SRPK2: variants seen among roughly 807,000 people sequenced by gnomAD.
The protein encoded by SRPK2 is SFRS protein kinase 2.
SRPK2 carries 21 observed loss-of-function variants against 90.8 expected under a neutral mutation model. That is an observed-to-expected ratio of 0.23 (90% CI 0.16 to 0.33). The LOEUF is 0.33. SRPK2 is among the 10% of genes least tolerant of loss of function. The probability of loss-of-function intolerance (pLI) is 1.00; values close to 1 mark genes in which losing one functional copy is unlikely to be tolerated. For synonymous variants in SRPK2, 288 were observed against 311.1 expected (o/e 0.93, Z 0.78); for missense variants, 620 against 869.0 (o/e 0.71, Z 3.60).
At chr7:105,296,159 G>A (rs906465039) in intron 2 of SRPK2, among the ~76,000 whole-genome samples, 1 of 152,142 alleles carries the variant, frequency 6.6e-6, no homozygotes, top group Non-Finnish European at 1.5e-5. Context: ...CTCCACAAGT[G>A]CTTTTCAACA....
intron 2 of SRPK2, among the ~76,000 whole-genome samples, chr7:105,372,845 T>C (rs1236901592): frequency 1.3e-5 from 2 of 152,196 alleles, no homozygotes; most frequent in African/African-American, 4.8e-5. Context: ...TCCCAGCACC[T>C]TGAGAGGCCA....
At chr7:105,395,407 C>T (rs1051847063) in intron 1 of SRPK2, among the ~76,000 whole-genome samples, 4 of 151,498 alleles carry the variant, frequency 2.6e-5, no homozygotes, top group Non-Finnish European at 5.9e-5. Flanking sequence ...TTCAAGAAGG[C>T]CTCACCGAGA....
intron 1 of SRPK2, among the ~76,000 whole-genome samples, chr7:105,398,883 T>A (rs1228377726): frequency 6.6e-6 from 1 of 152,180 alleles, no homozygotes; most frequent in Non-Finnish European, 1.5e-5. Flanking sequence ...ATCTGCAAAA[T>A]GTAGATAGTA....
chr7:105,143,419 ACT>A (rs1804089511), intron 9 of SRPK2, 89 bp from the exon 10 acceptor site: 2 of 1,476,642 alleles, frequency 1.4e-6, no homozygotes, highest in Admixed American at 2.1e-5. Context: ...ATAGCAATAA[ACT>A]CTGCTTTCTC....
At chr7:105,147,599 G>A (rs1342380236) in intron 7 of SRPK2, among the ~76,000 whole-genome samples, 2 of 152,038 alleles carry the variant, frequency 1.3e-5, no homozygotes, top group Non-Finnish European at 2.9e-5. Context: ...TTACAGGCGT[G>A]AGCCACCACA....
intron 7 of SRPK2, among the ~76,000 whole-genome samples, chr7:105,150,492 G>A (rs1488754770): frequency 6.6e-6 from 1 of 152,122 alleles, no homozygotes; most frequent in Non-Finnish European, 1.5e-5. Context: ...CTCCAACCTA[G>A]GCGACAGAAT....
chr7:105,376,188 A>G lies in SRPK2; in HGVS notation c.71+12460T>C, dbSNP rs530501590. On this transcript the variant is annotated intron_variant, in intron 2 of 15. Coordinates refer to ENST00000393651, the MANE Select transcript of SRPK2 (RefSeq NM_182692.3). ...TTTTTGTATTTTGTTTAGTAGAGAC[A>G]GGGTTTCACCATGTTAGCCAGGATG... Among the ~76,000 whole-genome samples, 17 of 151,568 alleles carry G rather than the reference A, an allele frequency of 1.1e-4. No individual in the cohort carries two copies. The East Asian group carries it at 3.1e-3, about 28-fold the overall frequency.
intron 2 of SRPK2, among the ~76,000 whole-genome samples, chr7:105,221,614 C>T (rs1343223241): frequency 6.6e-6 from 1 of 152,204 alleles, no homozygotes; most frequent in Non-Finnish European, 1.5e-5. Flanking sequence ...ATTTCCATCC[C>T]TGAAACAAGA....
At chr7:105,227,893 CAAAAAA>C (rs566478716) in intron 2 of SRPK2, among the ~76,000 whole-genome samples, 4 of 84,690 alleles carry the variant, frequency 4.7e-5, no homozygotes, top group Admixed American at 1.3e-4. Flanking sequence ...TATCATTCAG[CAAAAAA>C]AAAAAAAAAA....
intron 2 of SRPK2, among the ~76,000 whole-genome samples, chr7:105,339,100 CAG>C (rs1403660953): frequency 1.3e-5 from 2 of 152,158 alleles, no homozygotes; most frequent in East Asian, 1.9e-4. Flanking sequence ...TTTGAAAGGA[CAG>C]ATATTCAAGT....
chr7:105,371,220 A>G (rs1182192326), intron 2 of SRPK2, among the ~76,000 whole-genome samples: 1 of 151,508 alleles, frequency 6.6e-6, no homozygotes, highest in African/African-American at 2.4e-5. Context: ...CCTGGCCAAC[A>G]TGGCAAAACC....
Position 105,143,145 on chromosome 7 carries a change from C to G in SRPK2, c.999G>C (p.Glu333Asp), listed in dbSNP as rs751434491. The change falls in exon 10 of 16, where the codon GAG becomes GAC. Residue 333 changes from glutamate (E) to aspartate (D), a missense_variant. By Grantham distance (45) the Glu-to-Asp change is conservative. Transcript: ENST00000393651. ...SNDQDGEYCP[E>D]VKLKTTGLEE... is the part of the protein sequence containing the mutation. ...CTAATCCTGTTGTTTTTAGTTTCACCTCTGGGCAGTATTCGCCATCCTGGT... is the reference window on the plus strand; with the variant it reads ...CTAATCCTGTTGTTTTTAGTTTCACGTCTGGGCAGTATTCGCCATCCTGGT... The G allele has an allele frequency of 6.2e-7, 1 of 1,614,174 alleles. No homozygotes were observed. Among genetic ancestry groups the G allele is most frequent in the Non-Finnish European group, 8.5e-7 (1 of 1,180,034 alleles).
chr7:105,155,057 T>C (rs1003015800), intron 7 of SRPK2, among the ~76,000 whole-genome samples: 5 of 152,032 alleles, frequency 3.3e-5, no homozygotes, highest in Admixed American at 6.6e-5. Flanking sequence ...CTCGGCTCAC[T>C]GCAGCCTCCG....
intron 2 of SRPK2, among the ~76,000 whole-genome samples, chr7:105,378,711 C>T (rs1167954683): frequency 7.0e-6 from 1 of 143,156 alleles, no homozygotes; most frequent in African/African-American, 2.6e-5. Flanking sequence ...TGCAGTGAGC[C>T]GAGATCATGC....
At chr7:105,167,328 TCA>T (rs1790205087) in intron 6 of SRPK2, 47 bp downstream of exon 6, 1 of 1,490,812 alleles carries the variant, frequency 6.7e-7, no homozygotes, top group Admixed American at 1.7e-5. Context: ...TGAAATATTT[TCA>T]TTTTTTAAAA....
intron 2 of SRPK2, among the ~76,000 whole-genome samples, chr7:105,230,028 A>T (rs1799232780): frequency 6.6e-6 from 1 of 152,246 alleles, no homozygotes; most frequent in Non-Finnish European, 1.5e-5. Context: ...GCAGTGGGGA[A>T]GACATTTTGT....
At chr7:105,156,544 A>G in intron 7 of SRPK2, among the ~76,000 whole-genome samples, 1 of 152,294 alleles carries the variant, frequency 6.6e-6, no homozygotes, top group East Asian at 1.9e-4. Context: ...TCTGTCACAC[A>G]GGCTAGAGTG....
At chr7:105,160,848 A>G (rs887847528) in intron 6 of SRPK2, among the ~76,000 whole-genome samples, 1 of 152,230 alleles carries the variant, frequency 6.6e-6, no homozygotes, top group African/African-American at 2.4e-5. Context: ...GACCGCTCTC[A>G]GATACCAAAA....
upstream of SRPK2, among the ~76,000 whole-genome samples, chr7:105,391,987 C>T (rs75689316): frequency 4.9e-3 from 741 of 152,176 alleles, 11 homozygotes; most frequent in East Asian, 0.056. Flanking sequence ...AAACAAATTG[C>T]GGTATATACA....
Sources: gnomAD v4.1 joint callset for allele counts (sites outside exome capture counted in the v4.1 genomes callset) on GRCh38, gnomAD v4.1.1 for gene constraint, MANE v1.5 for transcripts, NCBI Gene and HGNC (gene_info 2026-07-23, HGNC 2026-07-21) for gene names.